PCNX2: variants seen among roughly 807,000 people sequenced by gnomAD.
PCNX2 encodes the protein pecanex 2, also known as pecanex-like protein 2.
A neutral mutation model predicts 223.8 loss-of-function variants in PCNX2; 168 were observed. The ratio of observed to expected loss-of-function variants is 0.75; its 90% CI spans 0.66 to 0.85. PCNX2 has a LOEUF of 0.85. Ranked by LOEUF, PCNX2 falls within the 40% of genes least tolerant of loss-of-function variation. PCNX2 has a pLI of 0.00. For synonymous variants in PCNX2, 1,006 were observed against 1,052.6 expected (o/e 0.96, Z 0.86); for missense variants, 2,507 against 2,675.5 (o/e 0.94, Z 1.39).
At chr1:233,287,638 T>C (rs989912644) in intron 1 of PCNX2, among the ~76,000 whole-genome samples, 20 of 152,202 alleles carry the variant, frequency 1.3e-4, no homozygotes, top group African/African-American at 4.8e-4. Context: ...ACCTCTTTCC[T>C]TTATAAACTA....
At chr1:233,100,750 G>C (rs1303162082) in intron 21 of PCNX2, among the ~76,000 whole-genome samples, 1 of 152,064 alleles carries the variant, frequency 6.6e-6, no homozygotes, top group Non-Finnish European at 1.5e-5. Context: ...TCTTATATTT[G>C]GGCATTGTCT....
At chr1:233,081,715 G>T (rs1336953409) in intron 23 of PCNX2, among the ~76,000 whole-genome samples, 1 of 152,194 alleles carries the variant, frequency 6.6e-6, no homozygotes, top group Non-Finnish European at 1.5e-5. Flanking sequence ...TCAGCCTAAT[G>T]ATTCTAAGGG....
chr1:233,208,615 A>G lies in PCNX2; in HGVS notation c.2766T>C (p.Asp922=), dbSNP rs766040722. 1.9e-6 allele frequency: 3 copies of G among 1,613,920 alleles called. No homozygotes were observed. In the South Asian group the frequency reaches 3.3e-5, roughly 18 times the overall value. ...CVLCGLILLL[D]TGAKARHPPS... is the part of the protein sequence containing the mutation. ...GAGGGTGCCTGGCTTTGGCCCCTGT[A>G]TCAAGAAGCAAAATAAGGCCACACA... Residue 922 remains aspartate, a synonymous_variant, in exon 13 of 34, where the codon GAT becomes GAC. Transcript: ENST00000258229.
chr1:233,237,037 T>C (rs1658465982), intron 8 of PCNX2, 57 bp from the exon 9 acceptor site: 21 of 1,603,982 alleles, frequency 1.3e-5, no homozygotes, highest in Non-Finnish European at 1.8e-5. Flanking sequence ...AGTCATCTAT[T>C]TATTATACAC....
the PCNX2 span, among the ~76,000 whole-genome samples, chr1:233,321,551 G>A: frequency 2.6e-5 from 4 of 152,172 alleles, no homozygotes; most frequent in East Asian, 5.8e-4. Flanking sequence ...GCCCACCTTG[G>A]CCTCCCAAAG....
chr1:233,036,358 T>C lies in PCNX2; in HGVS notation c.4352-10959A>G, dbSNP rs1480282287. Among the ~76,000 whole-genome samples the C allele has an allele frequency of 5.9e-5, 9 of 152,292 alleles. No homozygotes were observed. In the East Asian group the frequency reaches 1.5e-3, roughly 26 times the overall value. ...AGAATTTTATATTTCAGGCTGGGCA[T>C]GGTGGCTCATGCCTGTAATCCCAGC... On this transcript the variant is annotated intron_variant, in intron 25 of 33. Coordinates refer to ENST00000258229, the MANE Select transcript of PCNX2 (RefSeq NM_014801.4).
chr1:233,106,420 T>G (rs1674781758), intron 21 of PCNX2, among the ~76,000 whole-genome samples: 1 of 149,944 alleles, frequency 6.7e-6, no homozygotes, highest in Admixed American at 6.7e-5. Context: ...TGATGCAATC[T>G]TGGCTCGCTG....
At chr1:233,072,172 C>T (rs997637047) in intron 23 of PCNX2, among the ~76,000 whole-genome samples, 25 of 152,112 alleles carry the variant, frequency 1.6e-4, no homozygotes, top group African/African-American at 6.0e-4. Flanking sequence ...TCAATTTTTG[C>T]TTTTGTTGCA....
At chr1:233,153,144 G>A (rs1413673960) in intron 19 of PCNX2, among the ~76,000 whole-genome samples, 3 of 152,170 alleles carry the variant, frequency 2.0e-5, no homozygotes, top group East Asian at 1.9e-4. Context: ...ATGGAATAAC[G>A]CTTACACCCT....
At chr1:233,299,089 C>T (rs187453501), upstream of PCNX2, among the ~76,000 whole-genome samples, 1 of 152,178 alleles carries the variant, frequency 6.6e-6, no homozygotes, top group Admixed American at 6.5e-5. Context: ...CAAATGTGAA[C>T]TCTCTGTCTT....
chr1:233,224,696 G>A (rs1442151220), intron 10 of PCNX2, among the ~76,000 whole-genome samples: 1 of 152,024 alleles, frequency 6.6e-6, no homozygotes, highest in Non-Finnish European at 1.5e-5. Context: ...TCCTCACTGT[G>A]AGCTGTGAGT....
chr1:233,120,679 A>G (rs938690709), intron 21 of PCNX2, among the ~76,000 whole-genome samples: 6 of 152,206 alleles, frequency 3.9e-5, no homozygotes, highest in African/African-American at 1.2e-4. Flanking sequence ...ACAATCCCCA[A>G]AAGTTATATA....
chr1:233,117,952 G>A (rs1571898962), intron 21 of PCNX2, among the ~76,000 whole-genome samples: 2 of 146,664 alleles, frequency 1.4e-5, no homozygotes, highest in African/African-American at 5.0e-5. Context: ...GGAGCTTGCA[G>A]TGAGCCGAGA....
At chr1:233,136,457 C>A (rs900896941) in intron 20 of PCNX2, among the ~76,000 whole-genome samples, 1 of 152,094 alleles carries the variant, frequency 6.6e-6, no homozygotes, top group Non-Finnish European at 1.5e-5. Flanking sequence ...GTTTTTTGTG[C>A]CTTCAGACCT....
intron 1 of PCNX2, among the ~76,000 whole-genome samples, chr1:233,265,244 T>TA (rs60756475): frequency 0.42 from 61,676 of 146,362 alleles, 15,226 homozygotes; most frequent in African/African-American, 0.69. Context: ...AGACCCTCTC[T>TA]AAAAAAAAAA....
intron 13 of PCNX2, among the ~76,000 whole-genome samples, chr1:233,207,117 G>C (rs1055306022): frequency 1.3e-5 from 2 of 152,112 alleles, no homozygotes; most frequent in Non-Finnish European, 2.9e-5. Context: ...GCTTGTGGTG[G>C]GTTGGGCACT....
At chr1:233,244,938 A>T (rs1203032100) in intron 8 of PCNX2, among the ~76,000 whole-genome samples, 1 of 152,196 alleles carries the variant, frequency 6.6e-6, no homozygotes, top group Non-Finnish European at 1.5e-5. Context: ...ACCAAAGATG[A>T]GGGATTTATT....
At chr1:233,147,017 C>A (rs764930090) in intron 19 of PCNX2, among the ~76,000 whole-genome samples, 1 of 152,328 alleles carries the variant, frequency 6.6e-6, no homozygotes, top group Non-Finnish European at 1.5e-5. Context: ...AGAGACAGCA[C>A]TGATAAGCTC....
intron 25 of PCNX2, among the ~76,000 whole-genome samples, chr1:233,045,126 C>G (rs1671782398): frequency 6.6e-6 from 1 of 152,154 alleles, no homozygotes; most frequent in Admixed American, 6.5e-5. Flanking sequence ...CAGAACTACC[C>G]CAGTTATTTT....
Sources: gnomAD v4.1 joint callset for allele counts (sites outside exome capture counted in the v4.1 genomes callset) on GRCh38, gnomAD v4.1.1 for gene constraint, MANE v1.5 for transcripts, NCBI Gene and HGNC (gene_info 2026-07-23, HGNC 2026-07-21) for gene names.